Variants in ZRANB3 observed in about 807,000 individuals in gnomAD.
ZRANB3 encodes zinc finger RANBP2-type containing 3.
A neutral mutation model predicts 133.8 loss-of-function variants in ZRANB3; 125 were observed. The ratio of observed to expected loss-of-function variants is 0.93; its 90% confidence interval spans 0.81 to 1.08. The LOEUF (loss-of-function observed/expected upper bound fraction) is 1.08, where lower values mean the gene tolerates loss of function less well. Ranked by LOEUF, ZRANB3 falls within the 50% of genes least tolerant of loss-of-function variation. The pLI is 0.00. For missense variants in ZRANB3, 1,229 were observed against 1,275.5 expected (o/e 0.96, Z 0.56); for synonymous variants, 387 against 432.7 (o/e 0.89, Z 1.31).
chr2:135,405,994 C>A (rs1688003318), intron 2 of ZRANB3, among the ~76,000 whole-genome samples: 1 of 152,006 alleles, frequency 6.6e-6, no homozygotes, highest in African/African-American at 2.4e-5. Flanking sequence ...AGGACATAGA[C>A]ACACAAAAAA....
intron 3 of ZRANB3, among the ~76,000 whole-genome samples, chr2:135,359,451 G>T (rs2104884667): frequency 6.6e-6 from 1 of 151,938 alleles, no homozygotes; most frequent in East Asian, 1.9e-4. Flanking sequence ...AGGTGTGGTG[G>T]CATGTGCCTA....
rs535351960 is a variant in ZRANB3, at chr2:135,441,251, G to T, written c.162-50431C>A. On this transcript the variant is annotated intron_variant, in intron 2 of 20. Coordinates refer to ENST00000264159, the MANE Select transcript of ZRANB3 (RefSeq NM_032143.4). ...CAGAAAGAGAAAAACAATTTATTATGTACTGGAAGCAATGATACTACTAGG... is the reference window on the plus strand; with the variant it reads ...CAGAAAGAGAAAAACAATTTATTATTTACTGGAAGCAATGATACTACTAGG... Among the ~76,000 whole-genome samples, 7 of 152,230 alleles carry T rather than the reference G, an allele frequency of 4.6e-5. No homozygotes were observed. In the South Asian group the frequency reaches 1.5e-3, roughly 32 times the overall value.
At chr2:135,426,744 A>G (rs1168007037) in intron 2 of ZRANB3, among the ~76,000 whole-genome samples, 1 of 144,318 alleles carries the variant, frequency 6.9e-6, no homozygotes, top group Non-Finnish European at 1.5e-5. Context: ...AGGCAGGAGA[A>G]TGGCATGAAC....
chr2:135,321,513 G>A (rs1250644706), intron 6 of ZRANB3, among the ~76,000 whole-genome samples: 8 of 145,092 alleles, frequency 5.5e-5, no homozygotes, highest in South Asian at 4.3e-4. Context: ...TCATTCTGTC[G>A]CCCAAACTGG....
intron 2 of ZRANB3, among the ~76,000 whole-genome samples, chr2:135,483,137 G>T (rs1216220235): frequency 6.6e-6 from 1 of 151,970 alleles, no homozygotes; most frequent in Non-Finnish European, 1.5e-5. Context: ...CTCATAAAAT[G>T]AGTTAGGGAG....
At chr2:135,494,100 A>T (rs1002479176) in intron 2 of ZRANB3, among the ~76,000 whole-genome samples, 2 of 144,726 alleles carry the variant, frequency 1.4e-5, no homozygotes, top group Non-Finnish European at 3.0e-5. Flanking sequence ...GGATAGAAAT[A>T]GAAAGGAGGG....
At chr2:135,488,491 C>T (rs145667954) in intron 2 of ZRANB3, among the ~76,000 whole-genome samples, 114 of 150,904 alleles carry the variant, frequency 7.6e-4, no homozygotes, top group Non-Finnish European at 7.5e-4. Flanking sequence ...TCAAATATAG[C>T]ATACTATATT....
chr2:135,492,997 T>C (rs996224287), intron 2 of ZRANB3, among the ~76,000 whole-genome samples: 3 of 150,006 alleles, frequency 2.0e-5, no homozygotes, highest in Admixed American at 1.3e-4. Flanking sequence ...GAATGATAGA[T>C]TTTTCTACAA....
chr2:135,412,471 T>C (rs1164275364), intron 2 of ZRANB3, among the ~76,000 whole-genome samples: 2 of 152,186 alleles, frequency 1.3e-5, no homozygotes, highest in African/African-American at 4.8e-5. Flanking sequence ...GGCTTACTTT[T>C]TGTTGCTTTT....
At chr2:135,360,439 G>T (rs1333742459) in intron 3 of ZRANB3, among the ~76,000 whole-genome samples, 1 of 151,630 alleles carries the variant, frequency 6.6e-6, no homozygotes. Context: ...GGGCACGGTG[G>T]CTCATGCCTG....
At chr2:135,267,178 T>C (rs139616846) in intron 11 of ZRANB3, among the ~76,000 whole-genome samples, 52 of 152,330 alleles carry the variant, frequency 3.4e-4, no homozygotes, top group African/African-American at 1.1e-3. Flanking sequence ...AATTGTGTAA[T>C]GTGTAAAGAA....
intron 2 of ZRANB3, among the ~76,000 whole-genome samples, chr2:135,398,831 CTTT>C (rs1447133749): frequency 6.6e-6 from 1 of 152,144 alleles, no homozygotes; most frequent in Non-Finnish European, 1.5e-5. Flanking sequence ...CATTTTGTCA[CTTT>C]TTTTATTGAT....
chr2:135,452,365 T>C lies in ZRANB3; in HGVS notation c.161+51964A>G, dbSNP rs573159966. On this transcript the variant is annotated intron_variant, in intron 2 of 20. Transcript: ENST00000264159. ...CAGCCAAACCATATCATTCCCCCCA[T>C]GGCCCCTCCAAATTTCATGTCCTCA... is the stretch of plus-strand genomic sequence containing the variant. Among the ~76,000 whole-genome samples, 35 of 152,230 alleles carry C rather than the reference T, an allele frequency of 2.3e-4. No individual in the cohort carries two copies. In the South Asian group the frequency reaches 5.8e-3, roughly 25 times the overall value.
chr2:135,415,909 C>T (rs532291980), intron 2 of ZRANB3, among the ~76,000 whole-genome samples: 2 of 151,836 alleles, frequency 1.3e-5, no homozygotes, highest in Non-Finnish European at 2.9e-5. Flanking sequence ...ATTCAACAAC[C>T]CTTCATGCTA....
chr2:135,396,943 CAAAAAAG>C (rs1379860005), intron 2 of ZRANB3, among the ~76,000 whole-genome samples: 2 of 151,362 alleles, frequency 1.3e-5, no homozygotes, highest in African/African-American at 4.9e-5. Context: ...CCCACAAAAA[CAAAAAAG>C]AAAAAATTTA....
rs535604002 is a variant in ZRANB3 at position 135,398,733 on chromosome 2, C to T, written c.162-7913G>A. Among the ~76,000 whole-genome samples, 9 of 151,668 alleles carry T rather than the reference C, an allele frequency of 5.9e-5. No homozygotes were observed. In the South Asian group the frequency reaches 1.9e-3, roughly 32 times the overall value. On this transcript the variant is annotated intron_variant, in intron 2 of 20. Transcript: ENST00000264159. ...AGAGACGGGGTTTCACTGTGTTAGC[C>T]AGGATGGTCTCGATCTCCTGACCTC...
intron 2 of ZRANB3, among the ~76,000 whole-genome samples, chr2:135,474,361 T>C (rs1430048821): frequency 6.6e-6 from 1 of 152,142 alleles, no homozygotes; most frequent in African/African-American, 2.4e-5. Flanking sequence ...TTGATATAAT[T>C]TGGATGTTTG....
intron 6 of ZRANB3, among the ~76,000 whole-genome samples, chr2:135,344,746 A>G (rs1229627005): frequency 6.6e-6 from 1 of 152,174 alleles, no homozygotes; most frequent in African/African-American, 2.4e-5. Flanking sequence ...GTCTGAAAAA[A>G]ATATGATAAA....
intron 8 of ZRANB3, 37 bp downstream of exon 8, chr2:135,313,452 T>C (rs372101952): frequency 1.5e-6 from 2 of 1,340,950 alleles, no homozygotes; most frequent in Non-Finnish European, 1.1e-6. Context: ...GAATAATTTG[T>C]ATGAAGACAA....
Sources: gnomAD v4.1 joint callset for allele counts (sites outside exome capture counted in the v4.1 genomes callset) on GRCh38, gnomAD v4.1.1 for gene constraint, MANE v1.5 for transcripts, NCBI Gene and HGNC (gene_info 2026-07-23, HGNC 2026-07-21) for gene names.